The following SNX29 variants were observed in gnomAD, a reference collection of about 807,000 sequenced individuals.
SNX29 encodes the protein sorting nexin-29.
SNX29 carries 78 observed loss-of-function variants against 102.1 expected under a neutral mutation model. The ratio of observed to expected loss-of-function variants is 0.76; its 90% CI spans 0.64 to 0.92. SNX29 has a LOEUF of 0.92. SNX29 is among the 40% of genes least tolerant of loss of function. The pLI is 0.00. For missense variants in SNX29, 1,280 were observed against 1,061.7 expected, an observed-to-expected ratio of 1.21 and a Z score of -2.86; for synonymous variants, 580 against 414.5, an observed-to-expected ratio of 1.40 and a Z score of -4.85.
rs1313385929 is a variant in SNX29, at chr16:12,013,498, AAAATATAT to A, written c.122+10457_122+10464del. 1.5e-3 allele frequency among the ~76,000 whole-genome samples: 49 copies of A among 33,494 alleles called. 1 individual carries two copies. The highest frequency in any genetic ancestry group is 2.8e-3 in the East Asian group (1 of 358). The allele number at this position is 33,494 out of a possible 152,430, so 22.0% of individuals were successfully genotyped here. ...CTGTCTCTACTGGGGGAAAAAAAAAAAAATATATATATATATATATATATATATATATA... is the reference window on the plus strand; with the variant it reads ...CTGTCTCTACTGGGGGAAAAAAAAAAATATATATATATATATATATATATA... On this transcript the variant is annotated intron_variant, in intron 3 of 20. Transcript: ENST00000566228.
At chr16:12,409,593 T>C (rs1210682722) in intron 18 of SNX29, among the ~76,000 whole-genome samples, 1 of 151,240 alleles carries the variant, frequency 6.6e-6, no homozygotes, top group African/African-American at 2.4e-5. Flanking sequence ...CACGCCTGGC[T>C]AATTTTTTTG....
chr16:11,988,222 A>T, intron 1 of SNX29, among the ~76,000 whole-genome samples: 1 of 150,506 alleles, frequency 6.6e-6, no homozygotes, highest in South Asian at 2.1e-4. Context: ...TGAACCCGGG[A>T]GGCAGAGATT....
chr16:12,563,775 C>G (rs2903041), intron 20 of SNX29, among the ~76,000 whole-genome samples: 26 of 152,208 alleles, frequency 1.7e-4, no homozygotes, highest in African/African-American at 6.3e-4. Flanking sequence ...CCTTGTCTGC[C>G]GACCTGTCTG....
At chr16:12,551,817 C>T (rs1259843393) in intron 20 of SNX29, among the ~76,000 whole-genome samples, 1 of 152,206 alleles carries the variant, frequency 6.6e-6, no homozygotes, top group African/African-American at 2.4e-5. Flanking sequence ...GTATCCCCGC[C>T]TCAGTTTTGT....
chr16:12,150,328 A>G (rs1047172788), intron 13 of SNX29, among the ~76,000 whole-genome samples: 2 of 152,168 alleles, frequency 1.3e-5, no homozygotes, highest in African/African-American at 4.8e-5. Context: ...ATCAACCATG[A>G]TAAGTATGAT....
chr16:12,412,347 C>A (rs1190670275), intron 18 of SNX29, among the ~76,000 whole-genome samples: 1 of 152,244 alleles, frequency 6.6e-6, no homozygotes. Context: ...CCTCACCCAA[C>A]CACCAAGGCG....
At chr16:12,342,613 C>T (rs1465926264) in intron 15 of SNX29, among the ~76,000 whole-genome samples, 2 of 152,172 alleles carry the variant, frequency 1.3e-5, no homozygotes, top group Middle Eastern at 3.2e-3. Context: ...GTGTCTTTTA[C>T]GAAGCTTGAG....
At chr16:12,325,085 C>G (rs777062256) in intron 15 of SNX29, among the ~76,000 whole-genome samples, 1 of 152,112 alleles carries the variant, frequency 6.6e-6, no homozygotes, top group East Asian at 1.9e-4. Flanking sequence ...CAGTTTTTAA[C>G]TGACTTTCCT....
chr16:12,529,745 G>A (rs2076881929), intron 20 of SNX29, among the ~76,000 whole-genome samples: 1 of 152,028 alleles, frequency 6.6e-6, no homozygotes, highest in African/African-American at 2.4e-5. Flanking sequence ...TGAAATATGA[G>A]CTGCCTTGTT....
At chr16:12,464,440 AG>A (rs2086959357) in intron 18 of SNX29, among the ~76,000 whole-genome samples, 1 of 151,898 alleles carries the variant, frequency 6.6e-6, no homozygotes, top group Non-Finnish European at 1.5e-5. Flanking sequence ...TTTATTTTAA[AG>A]TTTCATTTTA....
rs1596610533 is a variant in SNX29, at chr16:12,243,317, C to T, written c.1679-34616C>T. Among the ~76,000 whole-genome samples the T allele has an allele frequency of 3.3e-5, 5 of 152,350 alleles. 1 individual carries two copies. The South Asian group carries it at 1.0e-3, about 32-fold the overall frequency. On this transcript the variant is annotated intron_variant, in intron 14 of 20. Coordinates refer to ENST00000566228, the MANE Select transcript of SNX29 (RefSeq NM_032167.5). Reference sequence around the variant, plus strand: ...CTGACCCCCTAGCCTGGACAGGTTTCCTGTCTGGCCCTCGCTGATCTCTGA... The same window carrying T: ...CTGACCCCCTAGCCTGGACAGGTTTTCTGTCTGGCCCTCGCTGATCTCTGA...
intron 20 of SNX29, among the ~76,000 whole-genome samples, chr16:12,543,904 G>A (rs1188328935): frequency 2.0e-5 from 3 of 152,282 alleles, no homozygotes; most frequent in Admixed American, 2.0e-4. Flanking sequence ...CCTTCATCCT[G>A]GATTGCCGAA....
At chr16:11,979,860 G>C (rs1352828738) in intron 1 of SNX29, among the ~76,000 whole-genome samples, 1 of 152,058 alleles carries the variant, frequency 6.6e-6, no homozygotes, top group Non-Finnish European at 1.5e-5. Context: ...TGATCCACTT[G>C]TGAACTCCTG....
At chr16:12,322,730 C>T (rs991767045) in intron 15 of SNX29, among the ~76,000 whole-genome samples, 13 of 151,038 alleles carry the variant, frequency 8.6e-5, no homozygotes, top group Middle Eastern at 3.5e-3. Context: ...TGGAGACCAC[C>T]GTCAGGATGC....
chr16:12,067,314 T>C (rs1273230869), intron 9 of SNX29, among the ~76,000 whole-genome samples: 1 of 152,012 alleles, frequency 6.6e-6, no homozygotes, highest in African/African-American at 2.4e-5. Flanking sequence ...TCCCTGAAGT[T>C]CAGCCCCTAC....
intron 14 of SNX29, among the ~76,000 whole-genome samples, chr16:12,276,868 A>T (rs117395239): frequency 0.053 from 8,024 of 152,152 alleles, 331 homozygotes; most frequent in Admixed American, 0.12. Context: ...GCTTGCTCTG[A>T]CCTGGGAGCC....
chr16:11,981,009 G>A (rs1476269232), intron 1 of SNX29, among the ~76,000 whole-genome samples: 1 of 148,830 alleles, frequency 6.7e-6, no homozygotes, highest in South Asian at 2.1e-4. Flanking sequence ...CACCCAGGCT[G>A]GAGTGCTGGA....
At chr16:12,257,261 T>A (rs1012431740) in intron 14 of SNX29, among the ~76,000 whole-genome samples, 2 of 152,226 alleles carry the variant, frequency 1.3e-5, no homozygotes, top group Admixed American at 6.5e-5. Context: ...CCTGTTCTCC[T>A]GCTTCTCCTC....
rs113444802 is a variant in SNX29 at position 12,082,160 on chromosome 16, T to G, written c.1402+3245T>G. On this transcript the variant is annotated intron_variant, in intron 11 of 20. Transcript: ENST00000566228. Reference sequence around the variant, plus strand: ...GATGGACAAGACTTGACTCTGGCTGTGAGGCACAGCTACTGTAAAGAACAC... The same window carrying G: ...GATGGACAAGACTTGACTCTGGCTGGGAGGCACAGCTACTGTAAAGAACAC... 6.1e-3 allele frequency among the ~76,000 whole-genome samples: 929 copies of G among 151,756 alleles called. 6 individuals carry two copies. The highest frequency in any genetic ancestry group is 0.027 in the Middle Eastern group (8 of 292).
Sources: allele counts gnomAD v4.1 joint callset (sites outside exome capture counted in the v4.1 genomes callset), GRCh38; gene constraint gnomAD v4.1.1; transcripts MANE v1.5; gene names NCBI Gene and HGNC (gene_info 2026-07-23, HGNC 2026-07-21).